The following SMAD6 variants were observed in gnomAD, a reference collection of about 807,000 sequenced individuals.
The protein encoded by SMAD6 is SMAD family member 6, also known as MAD homolog 6.
Under a neutral mutation model 39.4 loss-of-function variants are expected in SMAD6, and 103 were observed. That is an observed-to-expected ratio of 2.62 (90% CI 2.23 to 3.08). SMAD6 has a LOEUF of 3.08. Ranked by LOEUF, SMAD6 falls within the 30% of genes most tolerant of loss-of-function variation. The pLI, the probability that SMAD6 is intolerant of heterozygous loss-of-function variation, is 0.00. For missense variants in SMAD6, 1,104 were observed against 742.9 expected (o/e 1.49, Z -5.65); for synonymous variants, 445 against 353.3 (o/e 1.26, Z -2.91).
chr15:66,704,637 G>A (rs1011538810), intron 1 of SMAD6: 2 of 152,352 alleles, frequency 1.3e-5, no homozygotes, highest in Admixed American at 1.3e-4. Flanking sequence ...ACCCCTCTCT[G>A]GAGTAAAGAG....
intron 2 of SMAD6, among the ~76,000 whole-genome samples, chr15:66,712,688 C>CA (rs775687604): frequency 0.031 from 1,492 of 48,406 alleles, 18 homozygotes; most frequent in South Asian, 0.053. Flanking sequence ...AATTCTGTCT[C>CA]AAAAAAAAAA....
intron 2 of SMAD6, among the ~76,000 whole-genome samples, chr15:66,713,098 C>G (rs1350327778): frequency 6.6e-6 from 1 of 152,166 alleles, no homozygotes; most frequent in Non-Finnish European, 1.5e-5. Context: ...GTGATGGAAT[C>G]TGTGGGATCC....
chr15:66,756,664 C>T (rs1448758638), intron 3 of SMAD6, among the ~76,000 whole-genome samples: 1 of 70,450 alleles, frequency 1.4e-5, no homozygotes, highest in African/African-American at 6.0e-5. Flanking sequence ...ATGGCAGAAT[C>T]TGCCAGTGGA....
At chr15:66,715,170 T>C (rs1161082521) in intron 2 of SMAD6, among the ~76,000 whole-genome samples, 1 of 152,058 alleles carries the variant, frequency 6.6e-6, no homozygotes, top group Non-Finnish European at 1.5e-5. Context: ...CCTTGCATTG[T>C]TGCTTTTTCA....
chr15:66,704,073 C>T lies in SMAD6; in HGVS notation c.815C>T (p.Pro272Leu), dbSNP rs1893053228. 4 of 1,480,600 alleles carry T rather than the reference C, an allele frequency of 2.7e-6. No homozygotes were observed. Among genetic ancestry groups the T allele is most frequent in the Non-Finnish European group, 3.6e-6 (4 of 1,123,758 alleles). 91.7% of individuals were successfully genotyped at this position (1,480,600 alleles called of 1,614,324 possible). A position where few individuals can be genotyped will look rare whatever the true frequency, so the allele number is the denominator to read the frequency against. ...TACCACTTCAGCCGGCTCTGCGGGC[C>T]CGGTGAGCGCGCTGCGCCGGCCGGG... ...NPYHFSRLCG[P>L]ESPPPPYSRL... The change falls in exon 1 of 4, where the codon CCC (proline) becomes CTC (leucine). Residue 272 changes from proline (P) to leucine (L), a missense_variant and splice_region_variant. Pro to Leu is a moderately conservative substitution (Grantham distance 98). Transcript: ENST00000288840.
At chr15:66,715,298 A>G (rs1893306963) in intron 2 of SMAD6, among the ~76,000 whole-genome samples, 1 of 151,978 alleles carries the variant, frequency 6.6e-6, no homozygotes, top group African/African-American at 2.4e-5. Context: ...GGAAAAAAAA[A>G]AAAAAGGCCA....
At chr15:66,708,746 A>G (rs963507517) in intron 1 of SMAD6, 1 of 471,518 alleles carries the variant, frequency 2.1e-6, no homozygotes, top group Non-Finnish European at 4.4e-6. Context: ...AAAGTAAGTT[A>G]GTGGTTGCCC....
rs888249362 is a variant in SMAD6 at position 66,702,831 on chromosome 15, A to T, written c.-428A>T. 6.1e-6 allele frequency: 1 copy of T among 164,214 alleles called. No individual in the cohort carries two copies. Among genetic ancestry groups the T allele is most frequent in the Non-Finnish European group, 1.3e-5 (1 of 76,538 alleles). The allele number at this position is 164,214 out of a possible 1,614,324, so 10.2% of individuals were successfully genotyped here. A position where few individuals can be genotyped will look rare whatever the true frequency, so the allele number is the denominator to read the frequency against. On this transcript the variant is annotated 5_prime_UTR_variant, in exon 1 of 4. Coordinates refer to ENST00000288840, the MANE Select transcript of SMAD6 (RefSeq NM_005585.5). ...TTTGGTTTAAAAAAAAGGCAAGGTA[A>T]AGGCAGGGCTTTCCAGACACATTTA...
chr15:66,740,212 G>A (rs904867003), intron 3 of SMAD6, among the ~76,000 whole-genome samples: 1 of 152,160 alleles, frequency 6.6e-6, no homozygotes, highest in African/African-American at 2.4e-5. Context: ...TCCTGGCTAT[G>A]CTACATCCTG....
intron 3 of SMAD6, among the ~76,000 whole-genome samples, chr15:66,719,530 G>A (rs1322712969): frequency 2.0e-5 from 3 of 152,298 alleles, no homozygotes; most frequent in East Asian, 3.9e-4. Flanking sequence ...TGGGATGTAC[G>A]TCATCCCCAA....
intron 1 of SMAD6, chr15:66,705,007 G>T (rs1272390746): frequency 6.6e-6 from 1 of 152,350 alleles, no homozygotes; most frequent in Admixed American, 6.5e-5. Context: ...ACACACTTTA[G>T]CCTGTAGCTA....
intron 3 of SMAD6, among the ~76,000 whole-genome samples, chr15:66,771,173 C>T (rs979173380): frequency 6.6e-6 from 1 of 152,096 alleles, no homozygotes. Flanking sequence ...GTGGGGCCTC[C>T]GGTTTCATCC....
chr15:66,719,443 A>G (rs569989315), intron 3 of SMAD6, among the ~76,000 whole-genome samples: 1 of 151,518 alleles, frequency 6.6e-6, no homozygotes, highest in East Asian at 1.9e-4. Flanking sequence ...AGATCACACC[A>G]CTCGCTGGCC....
chr15:66,758,004 G>A (rs965838465), intron 3 of SMAD6, among the ~76,000 whole-genome samples: 4 of 152,206 alleles, frequency 2.6e-5, no homozygotes, highest in Admixed American at 6.5e-5. Context: ...TGGAGTGGGC[G>A]TGGGACCCTC....
chr15:66,732,833 C>T (rs1368936464), intron 3 of SMAD6, among the ~76,000 whole-genome samples: 1 of 151,896 alleles, frequency 6.6e-6, no homozygotes, highest in East Asian at 1.9e-4. Flanking sequence ...TGCTGAAATT[C>T]AATTTATCAG....
intron 3 of SMAD6, among the ~76,000 whole-genome samples, chr15:66,777,841 T>C (rs1194738908): frequency 2.0e-5 from 3 of 152,282 alleles, no homozygotes; most frequent in Middle Eastern, 3.4e-3. Flanking sequence ...CCGCAGGGGA[T>C]GGGGCCTGGC....
At chr15:66,713,265 T>A (rs1272710838) in intron 2 of SMAD6, among the ~76,000 whole-genome samples, 1 of 152,100 alleles carries the variant, frequency 6.6e-6, no homozygotes, top group African/African-American at 2.4e-5. Context: ...TTTTGTTTGG[T>A]TTTTGGTAAA....
intron 3 of SMAD6, among the ~76,000 whole-genome samples, chr15:66,780,573 TGA>T (rs2140680403): frequency 6.6e-6 from 1 of 152,280 alleles, no homozygotes; most frequent in African/African-American, 2.4e-5. Flanking sequence ...CTGTGTGCTG[TGA>T]AGAGTAAGAA....
At chr15:66,740,722 C>G (rs1893799032) in intron 3 of SMAD6, 1 of 152,184 alleles carries the variant, frequency 6.6e-6, no homozygotes. Context: ...CTGCCATCTC[C>G]CCTTTCACCC....
Sources: allele counts gnomAD v4.1 joint callset (sites outside exome capture counted in the v4.1 genomes callset), GRCh38; gene constraint gnomAD v4.1.1; transcripts MANE v1.5; gene names NCBI Gene and HGNC (gene_info 2026-07-23, HGNC 2026-07-21).